The following ZNF462 variants were observed in gnomAD, a reference collection of about 807,000 sequenced individuals.
ZNF462 encodes the protein zinc finger PBX1-interacting protein.
In ZNF462, 10 loss-of-function variants were observed where a neutral mutation model predicts 201.9. The observed-to-expected ratio is 0.05, with a 90% CI of 0.03 to 0.08. ZNF462 has a LOEUF of 0.08. ZNF462 is among the 10% of genes least tolerant of loss of function. The pLI, the probability that ZNF462 is intolerant of heterozygous loss-of-function variation, is 1.00. For synonymous variants in ZNF462, 1,227 were observed against 1,193.3 expected, an observed-to-expected ratio of 1.03 and a Z score of -0.58; for missense variants, 2,523 against 3,168.3, an observed-to-expected ratio of 0.80 and a Z score of 4.89.
At chr9:106,863,022 A>G (rs1378396140), upstream of ZNF462, 7 of 349,298 alleles carry the variant, frequency 2.0e-5, no homozygotes, top group Admixed American at 9.5e-5. Context: ...AGAGGGAGGG[A>G]GAGAGAGAGA....
At chr9:106,937,671 AT>A (rs1830688449) in intron 6 of ZNF462, among the ~76,000 whole-genome samples, 1 of 152,118 alleles carries the variant, frequency 6.6e-6, no homozygotes, top group Non-Finnish European at 1.5e-5. Flanking sequence ...CTCTGTAATT[AT>A]TTTTAATAGT....
At chr9:106,980,026 T>A (rs1827303683) in intron 9 of ZNF462, among the ~76,000 whole-genome samples, 1 of 152,194 alleles carries the variant, frequency 6.6e-6, no homozygotes, top group African/African-American at 2.4e-5. Context: ...TTCTTGAGAA[T>A]AAAGTCTACA....
At chr9:106,879,326 C>A (rs1010488941) in intron 1 of ZNF462, among the ~76,000 whole-genome samples, 1 of 91,818 alleles carries the variant, frequency 1.1e-5, no homozygotes, top group Non-Finnish European at 2.1e-5. Flanking sequence ...TAGAGAGATG[C>A]TTTCCACCCC....
upstream of ZNF462, among the ~76,000 whole-genome samples, chr9:106,861,653 C>A (rs931165532): frequency 6.6e-6 from 1 of 152,222 alleles, no homozygotes; most frequent in Non-Finnish European, 1.5e-5. Flanking sequence ...TCCTGACTTG[C>A]TGCATTGATT....
Position 106,927,876 on chromosome 9 carries a change from A to G in ZNF462, c.3964A>G (p.Thr1322Ala). The change falls in exon 3 of 13, where the codon ACG (threonine) becomes GCG (alanine). Residue 1322 changes from threonine to alanine, a missense_variant. By Grantham distance (58) the Thr-to-Ala change is moderately conservative. Around this residue, in one of 15 missense-constraint regions of ZNF462, gnomAD observed 222 missense variants for 271.6 expected, o/e 0.82. Coordinates refer to ENST00000277225, the MANE Select transcript of ZNF462 (RefSeq NM_021224.6). ...CTGCGAGTGGTGCATCTACTCCCAT[A>G]CGGAGCCCAACGGTTTGCTCCTGCA... ...YHCEWCIYSHTEPNGLLLHYQ... is the reference protein window; with the variant it reads ...YHCEWCIYSHAEPNGLLLHYQ... The G allele has an allele frequency of 6.2e-7, 1 of 1,614,108 alleles. No individual in the cohort carries two copies. Among genetic ancestry groups the G allele is most frequent in the East Asian group, 2.2e-5 (1 of 44,860 alleles).
intron 10 of ZNF462, among the ~76,000 whole-genome samples, chr9:106,992,378 T>C (rs1828354202): frequency 6.6e-6 from 1 of 152,094 alleles, no homozygotes; most frequent in African/African-American, 2.4e-5. Flanking sequence ...CAAACTGGAA[T>C]CTCATACATT....
chr9:107,002,798 C>G (rs1829293417), intron 10 of ZNF462, among the ~76,000 whole-genome samples: 1 of 152,166 alleles, frequency 6.6e-6, no homozygotes, highest in African/African-American at 2.4e-5. Flanking sequence ...TGTCATCTGG[C>G]CTAAGCCGGG....
chr9:106,968,587 G>A lies in ZNF462; in HGVS notation c.6428-3418G>A, dbSNP rs929704754. ...GGTTGGGAATGTATGGTGATGCTAA[G>A]CCATGACCTGCTTTTAAAGGTGGAC... On this transcript the variant is annotated intron_variant, in intron 7 of 12. Transcript: ENST00000277225. This position sits in a 1 kb window ranked among gnomAD's most constrained non-coding sequence, Gnocchi z 4.0. Among the ~76,000 whole-genome samples, 11 of 152,118 alleles carry A rather than the reference G, an allele frequency of 7.2e-5. No individual in the cohort carries two copies.
At chr9:106,903,341 C>A (rs1564087181) in intron 1 of ZNF462, among the ~76,000 whole-genome samples, 1 of 152,092 alleles carries the variant, frequency 6.6e-6, no homozygotes, top group African/African-American at 2.4e-5. Flanking sequence ...CATTTTGTGG[C>A]CTATCATATG....
In ZNF462 at chr9:106,954,087, C is replaced by T; in HGVS notation, c.6427+14980C>T. 6.6e-6 allele frequency among the ~76,000 whole-genome samples: 1 copy of T among 152,152 alleles called. No individual in the cohort carries two copies. ...TCTAAGCAAGGTTAAGAGTTCAAAT[C>T]ATCCTCCTATTCAGAAGTCTTTAAC... On this transcript the variant is annotated intron_variant, in intron 7 of 12. Transcript: ENST00000277225. This position sits in a 1 kb window ranked among gnomAD's most constrained non-coding sequence, Gnocchi z 4.0.
rs547538379 is a variant in ZNF462, at chr9:107,009,285, G to A, written c.7190-260G>A. ...GGCAAGCGGCTCTTCAGTCAAGAAA[G>A]ACCCAGATTTTGTGATAGAAGCATT... On this transcript the variant is annotated intron_variant, in intron 11 of 12. Transcript: ENST00000277225. This position sits in a 1 kb window ranked among gnomAD's most constrained non-coding sequence, Gnocchi z 6.1. The A allele has an allele frequency of 2.6e-3, 1,140 of 445,170 alleles. 4 individuals are homozygous for A. The highest frequency in any genetic ancestry group is 3.9e-3 in the Non-Finnish European group (972 of 250,006). The allele number at this position is 445,170 out of a possible 1,614,324, so 27.6% of individuals were successfully genotyped here. A position where few individuals can be genotyped will look rare whatever the true frequency, so the allele number is the denominator to read the frequency against.
chr9:106,944,207 C>G (rs1831006541), intron 7 of ZNF462, among the ~76,000 whole-genome samples: 1 of 152,158 alleles, frequency 6.6e-6, no homozygotes, highest in Non-Finnish European at 1.5e-5. Context: ...AATTTGTTCT[C>G]TGTGTCTCTG....
intron 1 of ZNF462, among the ~76,000 whole-genome samples, chr9:106,877,346 A>G (rs1827879330): frequency 1.3e-5 from 2 of 148,254 alleles, no homozygotes; most frequent in South Asian, 4.2e-4. Flanking sequence ...TTCCAGAGAA[A>G]TAAATATGTC....
At chr9:106,967,133 CTT>C (rs1215851517) in intron 7 of ZNF462, among the ~76,000 whole-genome samples, 1 of 152,100 alleles carries the variant, frequency 6.6e-6, no homozygotes, top group Non-Finnish European at 1.5e-5. Flanking sequence ...CTCTTTGCCT[CTT>C]TTATTCCTTC....
Position 106,952,989 on chromosome 9 carries a change from A to G in ZNF462, c.6427+13882A>G, listed in dbSNP as rs547164739. On this transcript the variant is annotated intron_variant, in intron 7 of 12. Transcript: ENST00000277225. ...ACTGCTTCCCTAAGCCTCAGTTCTT[A>G]GATGTACTGTTTTTCCCCAGGCAAA... 4.3e-4 allele frequency among the ~76,000 whole-genome samples: 66 copies of G among 152,284 alleles called. No individual in the cohort carries two copies. In the South Asian group the frequency reaches 7.3e-3, roughly 17 times the overall value.
chr9:106,940,498 C>T (rs1830821221), intron 7 of ZNF462, among the ~76,000 whole-genome samples: 1 of 152,036 alleles, frequency 6.6e-6, no homozygotes, highest in Non-Finnish European at 1.5e-5. Flanking sequence ...TGAGCAGACA[C>T]CTGTAGGAGG....
At chr9:106,882,871 G>A (rs1013919728) in intron 1 of ZNF462, among the ~76,000 whole-genome samples, 3 of 152,140 alleles carry the variant, frequency 2.0e-5, no homozygotes, top group African/African-American at 7.2e-5. Context: ...TGGTATGGAA[G>A]CCTCAAGGAA....
chr9:106,945,008 G>T (rs1179222503), intron 7 of ZNF462, among the ~76,000 whole-genome samples: 1 of 152,118 alleles, frequency 6.6e-6, no homozygotes, highest in East Asian at 1.9e-4. Context: ...ACAAAGGAAA[G>T]GCCCATGAAT....
In ZNF462 at chr9:106,938,908, T is replaced by G; in HGVS notation, c.6236-8T>G. On this transcript the variant is annotated splice_polypyrimidine_tract_variant and splice_region_variant and intron_variant, in intron 6 of 12. Coordinates refer to ENST00000277225, the MANE Select transcript of ZNF462 (RefSeq NM_021224.6). This position sits in a 1 kb window ranked among gnomAD's most constrained non-coding sequence, Gnocchi z 4.4. The stretch of plus-strand genomic sequence containing the variant: ...CCTGTTCTATTTCTTGTCACCATCC[T>G]CTTCCAGGTGAGCATGCCTACAAGT... 1 of 1,597,238 alleles carries G rather than the reference T, an allele frequency of 6.3e-7. No individual in the cohort carries two copies.
Sources: gnomAD v4.1 joint callset for allele counts (sites outside exome capture counted in the v4.1 genomes callset) on GRCh38, gnomAD v4.1.1 for gene constraint, gnomAD v4.1.1 regional missense constraint, Gnocchi (gnomAD v3.1) non-coding constraint, MANE v1.5 for transcripts, NCBI Gene and HGNC (gene_info 2026-07-23, HGNC 2026-07-21) for gene names.